Variants in LHFPL3 observed in about 807,000 individuals in gnomAD.
LHFPL3 encodes LHFPL tetraspan subfamily member 3 protein.
A neutral mutation model predicts 19.3 loss-of-function variants in LHFPL3; 5 were observed. The ratio of observed to expected loss-of-function variants is 0.26; its 90% CI spans 0.14 to 0.54. LHFPL3 has a LOEUF of 0.54. LHFPL3 is among the 20% of genes least tolerant of loss of function. The pLI is 0.94. For synonymous variants in LHFPL3, 133 were observed against 126.2 expected (o/e 1.05, Z -0.36); for missense variants, 249 against 307.4 (o/e 0.81, Z 1.42).
intron 1 of LHFPL3, among the ~76,000 whole-genome samples, chr7:104,477,722 A>G (rs1431388086): frequency 6.7e-6 from 1 of 149,478 alleles, no homozygotes; most frequent in Non-Finnish European, 1.5e-5. Context: ...TATGTAATGA[A>G]CCTGCATTTG....
intron 2 of LHFPL3, among the ~76,000 whole-genome samples, chr7:104,891,501 G>C (rs1024470842): frequency 6.6e-6 from 1 of 152,074 alleles, no homozygotes; most frequent in African/African-American, 2.4e-5. Context: ...CATGACCTAA[G>C]CACCTTTTAA....
intron 1 of LHFPL3, among the ~76,000 whole-genome samples, chr7:104,643,535 A>G (rs1432123250): frequency 6.6e-6 from 1 of 152,198 alleles, no homozygotes; most frequent in Non-Finnish European, 1.5e-5. Flanking sequence ...AAGTCTTGCA[A>G]TCTCCAGGGT....
intron 1 of LHFPL3, among the ~76,000 whole-genome samples, chr7:104,712,823 A>G (rs1049767440): frequency 2.0e-5 from 3 of 152,254 alleles, no homozygotes; most frequent in Non-Finnish European, 4.4e-5. Flanking sequence ...CAGAAAATTA[A>G]TACACATTAC....
At chr7:104,696,131 T>C (rs1159519518) in intron 1 of LHFPL3, among the ~76,000 whole-genome samples, 2 of 152,080 alleles carry the variant, frequency 1.3e-5, no homozygotes, top group South Asian at 2.1e-4. Context: ...TTGTGTTTTT[T>C]AGTAGAGACA....
intron 2 of LHFPL3, among the ~76,000 whole-genome samples, chr7:104,805,711 C>A (rs1180193079): frequency 3.3e-5 from 5 of 152,208 alleles, no homozygotes; most frequent in South Asian, 2.1e-4. Flanking sequence ...AGTCTCCCAG[C>A]TCTTAGGAGA....
intron 1 of LHFPL3, among the ~76,000 whole-genome samples, chr7:104,444,635 C>CGA (rs1792292535): frequency 2.0e-5 from 3 of 152,282 alleles, no homozygotes; most frequent in African/African-American, 7.2e-5. Context: ...CTGGCAGAAT[C>CGA]TAACTATAAG....
chr7:104,712,093 A>T (rs1793309109), intron 1 of LHFPL3, among the ~76,000 whole-genome samples: 1 of 152,190 alleles, frequency 6.6e-6, no homozygotes, highest in African/African-American at 2.4e-5. Flanking sequence ...TGATGAGGAG[A>T]TTATTTTAGA....
At chr7:104,338,160 G>A (rs1222639646) in intron 1 of LHFPL3, among the ~76,000 whole-genome samples, 2 of 141,038 alleles carry the variant, frequency 1.4e-5, no homozygotes, top group African/African-American at 2.7e-5. Context: ...GTGCAGTGGC[G>A]CGATCTCAGC....
intron 1 of LHFPL3, among the ~76,000 whole-genome samples, chr7:104,637,414 G>A (rs1791747937): frequency 1.3e-5 from 2 of 152,060 alleles, no homozygotes; most frequent in Non-Finnish European, 2.9e-5. Context: ...TCTTGCTTTT[G>A]TTGCAATTGC....
chr7:104,840,308 CTT>C (rs67980957), intron 2 of LHFPL3, among the ~76,000 whole-genome samples: 1 of 118,386 alleles, frequency 8.4e-6, no homozygotes, highest in African/African-American at 3.2e-5. Flanking sequence ...TGTGGGTTTT[CTT>C]TTTTTTTTTT....
rs1397561612 is a variant in LHFPL3 at position 104,399,637 on chromosome 7, T to G, written c.445+70413T>G. 9.8e-6 allele frequency among the ~76,000 whole-genome samples: 1 copy of G among 102,308 alleles called. No homozygotes were observed. Among genetic ancestry groups the G allele is most frequent in the South Asian group, 3.0e-4 (1 of 3,330 alleles). The allele number at this position is 102,308 out of a possible 152,430, so 67.1% of individuals were successfully genotyped here. ...CCACCACACCGGGCTAAGTTTTGCA[T>G]TTTTTTTTTTTTTTTTGGTAGAGAC... On this transcript the variant is annotated intron_variant, in intron 1 of 2. Transcript: ENST00000424859. This position sits in a 1 kb window ranked among gnomAD's most constrained non-coding sequence, Gnocchi z 4.4.
At chr7:104,564,652 C>T (rs7778937) in intron 1 of LHFPL3, among the ~76,000 whole-genome samples, 26,193 of 152,144 alleles carry the variant, frequency 0.17, 2,560 homozygotes, top group Non-Finnish European at 0.22. Flanking sequence ...TTTTGGCTGG[C>T]ATGCCCATGA....
At chr7:104,860,187 C>T (rs1008738121) in intron 2 of LHFPL3, among the ~76,000 whole-genome samples, 1 of 149,220 alleles carries the variant, frequency 6.7e-6, no homozygotes, top group East Asian at 1.9e-4. Context: ...CCCACACACA[C>T]ACACACACAC....
At chr7:104,396,057 A>C (rs1791178477) in intron 1 of LHFPL3, among the ~76,000 whole-genome samples, 1 of 152,172 alleles carries the variant, frequency 6.6e-6, no homozygotes, top group African/African-American at 2.4e-5. Flanking sequence ...GCTCCTCTTC[A>C]TCCTGCCCAC....
intron 1 of LHFPL3, among the ~76,000 whole-genome samples, chr7:104,653,137 C>G (rs550228635): frequency 1.3e-5 from 2 of 152,244 alleles, no homozygotes; most frequent in South Asian, 2.1e-4. Flanking sequence ...TATTAAAAAC[C>G]ATGCTACAGT....
At chr7:104,888,065 C>T (rs140486024) in intron 2 of LHFPL3, among the ~76,000 whole-genome samples, 44 of 152,310 alleles carry the variant, frequency 2.9e-4, no homozygotes, top group African/African-American at 1.0e-3. Flanking sequence ...TTCACAGAGC[C>T]ACTGTGTCTA....
At chr7:104,393,722 A>T (rs57049090) in intron 1 of LHFPL3, among the ~76,000 whole-genome samples, 1 of 152,128 alleles carries the variant, frequency 6.6e-6, no homozygotes, top group South Asian at 2.1e-4. Context: ...TCTCAAAAAA[A>T]GAAAAAAAAT....
intron 1 of LHFPL3, among the ~76,000 whole-genome samples, chr7:104,686,536 AC>A (rs1792809447): frequency 6.6e-6 from 1 of 152,150 alleles, no homozygotes; most frequent in South Asian, 2.1e-4. Context: ...TTGTCCCCAC[AC>A]ACCAAGTAAT....
At chr7:104,405,688 T>A (rs1013215933) in intron 1 of LHFPL3, among the ~76,000 whole-genome samples, 1 of 152,242 alleles carries the variant, frequency 6.6e-6, no homozygotes, top group Non-Finnish European at 1.5e-5. Flanking sequence ...TTAACCACTA[T>A]GTTATACTGC....
Sources: allele counts gnomAD v4.1 joint callset (sites outside exome capture counted in the v4.1 genomes callset), GRCh38; gene constraint gnomAD v4.1.1; non-coding constraint Gnocchi (gnomAD v3.1); transcripts MANE v1.5; gene names NCBI Gene and HGNC (gene_info 2026-07-23, HGNC 2026-07-21).